Variants in ICE1 observed in about 807,000 individuals in gnomAD.
ICE1 encodes the protein interactor of little elongation complex ELL subunit 1.
Under a neutral mutation model 192.7 loss-of-function variants are expected in ICE1, and 64 were observed. The ratio of observed to expected loss-of-function variants is 0.33; its 90% CI spans 0.27 to 0.41. The LOEUF (loss-of-function observed/expected upper bound fraction) is 0.41. ICE1 is among the 10% of genes least tolerant of loss of function. The pLI is 1.00. For missense variants in ICE1, 2,708 were observed against 2,696.0 expected (o/e 1.00, Z -0.10); for synonymous variants, 1,010 against 984.5 (o/e 1.03, Z -0.49).
intron 7 of ICE1, among the ~76,000 whole-genome samples, chr5:5,445,268 A>T (rs2111352968): frequency 6.6e-6 from 1 of 152,288 alleles, no homozygotes; most frequent in Non-Finnish European, 1.5e-5. Flanking sequence ...ATATTTCGGT[A>T]ACAATTTTTC....
intron 16 of ICE1, among the ~76,000 whole-genome samples, chr5:5,475,200 A>G (rs1253303739): frequency 2.6e-5 from 4 of 152,164 alleles, no homozygotes; most frequent in African/African-American, 9.7e-5. Context: ...TGATGAAGAC[A>G]TCATCAAACA....
intron 15 of ICE1, 29 bp downstream of exon 15, chr5:5,469,017 T>G: frequency 1.4e-6 from 2 of 1,423,374 alleles, no homozygotes; most frequent in Non-Finnish European, 9.3e-7. Flanking sequence ...TCTTACAGTA[T>G]CTTACTTTTA....
Position 5,476,141 on chromosome 5 carries a change from G to GT in ICE1, c.6520+62_6520+63insT, listed in dbSNP as rs966916874. ...ATTGATATCTTGGTGGAAGGCTGGGGGGTTAACTGTATAATAAAATATGCT... is the reference window on the plus strand; with the variant it reads ...ATTGATATCTTGGTGGAAGGCTGGGGTGGTTAACTGTATAATAAAATATGCT... On this transcript the variant is annotated intron_variant, in intron 17 of 18. Transcript: ENST00000296564. 198 of 905,696 alleles carry GT rather than the reference G, an allele frequency of 2.2e-4. 4 individuals carry two copies. The Middle Eastern group carries it at 6.8e-3, about 31-fold the overall frequency. 56.1% of individuals were successfully genotyped at this position (905,696 alleles called of 1,614,324 possible).
chr5:5,457,383 C>T lies in ICE1; in HGVS notation c.743C>T (p.Thr248Met), dbSNP rs554205676. Residue 248 changes from threonine to methionine, a missense_variant, in exon 12 of 19, where the codon ACG becomes ATG. Physicochemically the swap from Thr to Met is moderately conservative, Grantham distance 81. This residue lies in a region of ICE1 where 2,366 missense variants were observed against 2,276.6 expected (regional missense o/e 1.04). Coordinates refer to ENST00000296564, the MANE Select transcript of ICE1 (RefSeq NM_015325.3). ...TSSRVPGEDG[T>M]LPPTQGSPLR... ...TCCAGAGTGCCTGGGGAAGATGGTA[C>T]GCTACCTCCAACACAGGGCAGCCCT... 41 of 1,613,412 alleles carry T rather than the reference C, an allele frequency of 2.5e-5. No homozygotes were observed. In the East Asian group the frequency reaches 2.9e-4, roughly 11 times the overall value.
At chr5:5,470,477 A>C (rs1739129177) in intron 15 of ICE1, among the ~76,000 whole-genome samples, 1 of 152,262 alleles carries the variant, frequency 6.6e-6, no homozygotes, top group South Asian at 2.1e-4. Context: ...AAATAAAAAT[A>C]CATAGAGCTT....
In ICE1 at chr5:5,460,456, C is replaced by T. The variant is rs2578565; in HGVS notation, c.1122C>T (p.Tyr374=). The change falls in exon 13 of 19, where the codon TAC becomes TAT. Residue 374 remains tyrosine (Y), a synonymous_variant. Coordinates refer to ENST00000296564, the MANE Select transcript of ICE1 (RefSeq NM_015325.3). Reference sequence around the variant, plus strand: ...TTAAGGAAACCTACTTTGGAGAATACACAGATTCCAGCGATAATGACTCAG... The same window carrying T: ...TTAAGGAAACCTACTTTGGAGAATATACAGATTCCAGCGATAATGACTCAG... The part of the protein sequence containing the change: ...SFAPETYFGE[Y]TDSSDNDSVQ... 1,062,249 of 1,583,658 alleles carry T rather than the reference C, an allele frequency of 0.67. 358,450 individuals are homozygous for T. Among genetic ancestry groups the T allele is most frequent in the Admixed American group, 0.82 (46,198 of 56,574 alleles).
intron 1 of ICE1, among the ~76,000 whole-genome samples, chr5:5,434,468 C>A (rs1310641182): frequency 2.6e-5 from 4 of 152,060 alleles, no homozygotes; most frequent in African/African-American, 9.7e-5. Context: ...TTATTTAGAT[C>A]TTTTGTGTGT....
chr5:5,456,378 ATTTT>A (rs1463511588), intron 11 of ICE1, among the ~76,000 whole-genome samples: 1 of 152,124 alleles, frequency 6.6e-6, no homozygotes, highest in Non-Finnish European at 1.5e-5. Flanking sequence ...CCAAATAGTG[ATTTT>A]TTATTTGTCT....
At position 5,461,487 on chromosome 5, in the gene ICE1, A is replaced by G. The variant is rs1579563345; in HGVS notation, c.2153A>G (p.Gln718Arg). The G allele has an allele frequency of 1.2e-6, 2 of 1,613,984 alleles. No individual in the cohort carries two copies. Among genetic ancestry groups the G allele is most frequent in the East Asian group, 4.5e-5 (2 of 44,884 alleles). ...PELGASNFND[Q>R]KSSGIEYTKV... ...TTGGGAGCATCTAATTTTAATGATC[A>G]GAAGAGCAGTGGGATAGAATATACA... Residue 718 changes from glutamine to arginine, a missense_variant, in exon 13 of 19, where the codon CAG becomes CGG. Around this residue, in one of 2 missense-constraint regions of ICE1, gnomAD observed 2,366 missense variants for 2,276.6 expected, o/e 1.04. Transcript: ENST00000296564.
In ICE1 at chr5:5,457,345, A is replaced by G. The variant is rs898366862; in HGVS notation, c.705A>G (p.Lys235=). 2 of 1,599,746 alleles carry G rather than the reference A, an allele frequency of 1.3e-6. No homozygotes were observed. The highest frequency in any genetic ancestry group is 4.5e-5 in the East Asian group (2 of 44,614). The change falls in exon 12 of 19, where the codon AAA becomes AAG. Residue 235 remains lysine (K), a synonymous_variant. Transcript: ENST00000296564. The part of the protein sequence containing the change: ...GSRCVPEKPA[K]AITSSRVPGE... ...TCCCCCACATAGAAAAACCTGCCAAAGCAATCACCAGCTCCAGAGTGCCTG... is the reference window on the plus strand; with the variant it reads ...TCCCCCACATAGAAAAACCTGCCAAGGCAATCACCAGCTCCAGAGTGCCTG...
chr5:5,487,400 T>C (rs1739664691), intron 18 of ICE1, among the ~76,000 whole-genome samples: 1 of 152,214 alleles, frequency 6.6e-6, no homozygotes, highest in Non-Finnish European at 1.5e-5. Flanking sequence ...ATTTTGAATA[T>C]TGTATAATCA....
At chr5:5,444,866 G>A (rs890878324) in intron 7 of ICE1, among the ~76,000 whole-genome samples, 1 of 152,146 alleles carries the variant, frequency 6.6e-6, no homozygotes, top group Non-Finnish European at 1.5e-5. Context: ...GGGACCATGC[G>A]AGAATCTAAG....
At chr5:5,443,693 T>C (rs899180938) in intron 6 of ICE1, among the ~76,000 whole-genome samples, 1 of 152,176 alleles carries the variant, frequency 6.6e-6, no homozygotes, top group Admixed American at 6.5e-5. Flanking sequence ...TTTGCTACTA[T>C]TCATAAAAAG....
In ICE1 at chr5:5,462,070, A is replaced by T; in HGVS notation, c.2736A>T (p.Thr912=). ...GTGATGGGGAAAGAGATGATACAAC[A>T]CAAAACATCACGGAGGTGGCTGCTG... ...AKCDGERDDT[T]QNITEVAAVK... Residue 912 remains threonine, a synonymous_variant, in exon 13 of 19, where the codon ACA becomes ACT. Transcript: ENST00000296564. 6.2e-7 allele frequency: 1 copy of T among 1,613,964 alleles called. No individual in the cohort carries two copies. Among genetic ancestry groups the T allele is most frequent in the Non-Finnish European group, 8.5e-7 (1 of 1,179,892 alleles).
rs753736365 is a variant in ICE1 at position 5,462,410 on chromosome 5, A to C, written c.3076A>C (p.Arg1026=). The C allele has an allele frequency of 6.2e-7, 1 of 1,614,020 alleles. No individual in the cohort carries two copies. The highest frequency in any genetic ancestry group is 1.1e-5 in the South Asian group (1 of 91,084). ...AGAAACCAGCTGTGGAGACACAGGG[A>C]GATCTGGTGGTGAGGCCCTGGCTGT... The part of the protein sequence containing the change: ...VEETSCGDTG[R]SGGEALAVAN... Residue 1026 remains arginine, a synonymous_variant, in exon 13 of 19, where the codon AGA becomes CGA. Coordinates refer to ENST00000296564, the MANE Select transcript of ICE1 (RefSeq NM_015325.3).
intron 14 of ICE1, 113 bp downstream of exon 14, chr5:5,466,615 T>C (rs1034657915): frequency 4.2e-6 from 4 of 944,342 alleles, no homozygotes; most frequent in Middle Eastern, 2.6e-4. Flanking sequence ...AATAATGTTA[T>C]GTTTTGTCCA....
intron 1 of ICE1, among the ~76,000 whole-genome samples, chr5:5,425,370 C>T (rs1737490186): frequency 6.6e-6 from 1 of 152,226 alleles, no homozygotes; most frequent in South Asian, 2.1e-4. Context: ...TTGCTCAGAA[C>T]TGCTCAGCTC....
intron 17 of ICE1, among the ~76,000 whole-genome samples, chr5:5,477,000 A>G (rs576921100): frequency 3.9e-4 from 60 of 152,220 alleles, no homozygotes; most frequent in African/African-American, 1.4e-3. Flanking sequence ...CTGCTTCCTT[A>G]TTTGCTACAA....
Position 5,463,973 on chromosome 5 carries a change from G to A in ICE1, c.4639G>A (p.Glu1547Lys). ...TCACACATATTATAACTCAAAACTA[G>A]AGCCATCTGGCAAAAATAAGAATCG... ...SDHTYYNSKL[E>K]PSGKNKNRSK... Residue 1547 changes from glutamate to lysine, a missense_variant, in exon 13 of 19, where the codon GAG becomes AAG. Transcript: ENST00000296564. 1 of 1,613,802 alleles carries A rather than the reference G, an allele frequency of 6.2e-7. No homozygotes were observed. Among genetic ancestry groups the A allele is most frequent in the Non-Finnish European group, 8.5e-7 (1 of 1,179,834 alleles).
Sources: gnomAD v4.1 joint callset for allele counts (sites outside exome capture counted in the v4.1 genomes callset) on GRCh38, gnomAD v4.1.1 for gene constraint, gnomAD v4.1.1 regional missense constraint, MANE v1.5 for transcripts, NCBI Gene and HGNC (gene_info 2026-07-23, HGNC 2026-07-21) for gene names.